ZBED3: variants seen among roughly 807,000 people sequenced by gnomAD.
ZBED3 encodes the protein zinc finger BED-type containing 3.
For synonymous variants in ZBED3, 175 were observed against 180.0 expected (o/e 0.97, Z 0.22); for missense variants, 388 against 362.9 (o/e 1.07, Z -0.56).
intron 2 of ZBED3, among the ~76,000 whole-genome samples, 160 bp from the exon 3 acceptor site, chr5:77,078,055 A>G (rs1403687546): frequency 1.3e-5 from 2 of 152,218 alleles, no homozygotes; most frequent in African/African-American, 2.4e-5. Flanking sequence ...AATCTTCAGT[A>G]TTAAGTGTTG....
At chr5:77,083,536 GC>G (rs1743174096) in intron 1 of ZBED3, among the ~76,000 whole-genome samples, 1 of 152,180 alleles carries the variant, frequency 6.6e-6, no homozygotes, top group African/African-American at 2.4e-5. Flanking sequence ...TAAACAGGTG[GC>G]TGAGATCATA....
chr5:77,077,797 C>G lies in ZBED3; in HGVS notation c.82G>C (p.Gly28Arg), dbSNP rs987741438. Residue 28 changes from glycine to arginine, a missense_variant, in exon 3 of 3, where the codon GGA becomes CGA. Coordinates refer to ENST00000255198, the MANE Select transcript of ZBED3 (RefSeq NM_032367.4). ...DAAARGGQCP[G>R]LGPAPTPTPP... is the part of the protein sequence containing the mutation. The stretch of plus-strand genomic sequence containing the variant: ...GTCGGCGTCGGCGCCGGCCCCAGTC[C>G]CGGACACTGACCGCCCCGCGCCGCC... 2.2e-5 allele frequency: 29 copies of G among 1,309,586 alleles called. No homozygotes were observed. The highest frequency in any genetic ancestry group is 4.0e-5 in the Admixed American group (1 of 24,812). The allele number at this position is 1,309,586 out of a possible 1,614,324, so 81.1% of individuals were successfully genotyped here. A position where few individuals can be genotyped will look rare whatever the true frequency, so the allele number is the denominator to read the frequency against.
chr5:77,076,013 GTA>G lies in ZBED3; in HGVS notation c.*1159_*1160del, dbSNP rs1269574664. On this transcript the variant is annotated 3_prime_UTR_variant, in exon 3 of 3. Coordinates refer to ENST00000255198, the MANE Select transcript of ZBED3 (RefSeq NM_032367.4). Reference sequence around the variant, plus strand: ...TATATGTATATATGTATATATATATGTATATATGTATATATATATGTATATAT... The same window carrying G: ...TATATGTATATATGTATATATATATGTATATGTATATATATATGTATATAT... 2 of 51,408 alleles carry G rather than the reference GTA, an allele frequency of 3.9e-5. No individual in the cohort carries two copies. The highest frequency in any genetic ancestry group is 7.7e-5 in the African/African-American group (1 of 13,032). 3.2% of individuals were successfully genotyped at this position (51,408 alleles called of 1,614,324 possible).
rs929902155 is a variant in ZBED3, at chr5:77,078,027, C to CT, written c.-17-133dup. On this transcript the variant is annotated intron_variant, in intron 2 of 2. Coordinates refer to ENST00000255198, the MANE Select transcript of ZBED3 (RefSeq NM_032367.4). ...AAAGCCTATAGTGTGTGTAGATAGTCTAAGTTTCTTTCTAATTAATCTTCA... is the reference window on the plus strand; with the variant it reads ...AAAGCCTATAGTGTGTGTAGATAGTCTTAAGTTTCTTTCTAATTAATCTTCA... The CT allele has an allele frequency of 1.6e-5, 10 of 616,520 alleles. No homozygotes were observed. In the South Asian group the frequency reaches 3.5e-4, roughly 22 times the overall value. The allele number at this position is 616,520 out of a possible 1,614,324, so 38.2% of individuals were successfully genotyped here. A position where few individuals can be genotyped will look rare whatever the true frequency, so the allele number is the denominator to read the frequency against.
In ZBED3 at chr5:77,077,521, C is replaced by T. The variant is rs977050633; in HGVS notation, c.358G>A (p.Gly120Ser). ...PPAAPCPPPP[G>S]PAAAPEGDWA... ...TCGCCCTCGGGGGCCGCAGCGGGGCCGGGCGGCGGCGGGCAGGGCGCGGCA... is the reference window on the plus strand; with the variant it reads ...TCGCCCTCGGGGGCCGCAGCGGGGCTGGGCGGCGGCGGGCAGGGCGCGGCA... Residue 120 changes from glycine (G) to serine (S), a missense_variant, in exon 3 of 3, where the codon GGC becomes AGC. Transcript: ENST00000255198. 4 of 1,202,922 alleles carry T rather than the reference C, an allele frequency of 3.3e-6. No individual in the cohort carries two copies. The African/African-American group carries it at 4.8e-5, about 14-fold the overall frequency. The allele number at this position is 1,202,922 out of a possible 1,614,324, so 74.5% of individuals were successfully genotyped here. A position where few individuals can be genotyped will look rare whatever the true frequency, so the allele number is the denominator to read the frequency against.
At position 77,072,850 on chromosome 5, in the gene ZBED3, A is replaced by G. The variant is rs1420109981; in HGVS notation, c.*4324T>C. ...AGCCCTTAAGGCCAAAGAGACTGAA[A>G]TGCATTAAGTAGGCTGGAGTCAGAT... On this transcript the variant is annotated 3_prime_UTR_variant, in exon 3 of 3. Coordinates refer to ENST00000255198, the MANE Select transcript of ZBED3 (RefSeq NM_032367.4). 2.0e-5 allele frequency: 3 copies of G among 152,172 alleles called. No homozygotes were observed. Among genetic ancestry groups the G allele is most frequent in the Non-Finnish European group, 4.4e-5 (3 of 68,034 alleles). The allele number at this position is 152,172 out of a possible 1,614,324, so 9.4% of individuals were successfully genotyped here.
chr5:77,077,363 C>G lies in ZBED3; in HGVS notation c.516G>C (p.Gln172His). ...RALERRRRAL[Q>H]EEERAAAQAR... ...CCTGGGCCGCGGCGCGCTCTTCCTC[C>G]TGCAGCGCCCTCCGCCTCCGCTCCA... is the stretch of plus-strand genomic sequence containing the variant. The change falls in exon 3 of 3, where the codon CAG (glutamine) becomes CAC (histidine). Residue 172 changes from glutamine to histidine, a missense_variant. Coordinates refer to ENST00000255198, the MANE Select transcript of ZBED3 (RefSeq NM_032367.4). 1 of 1,256,082 alleles carries G rather than the reference C, an allele frequency of 8.0e-7. No individual in the cohort carries two copies. Among genetic ancestry groups the G allele is most frequent in the African/African-American group, 1.6e-5 (1 of 63,892 alleles). 77.8% of individuals were successfully genotyped at this position (1,256,082 alleles called of 1,614,324 possible). A position where few individuals can be genotyped will look rare whatever the true frequency, so the allele number is the denominator to read the frequency against.
Position 77,077,337 on chromosome 5 carries a change from G to C in ZBED3, c.542C>G (p.Ala181Gly). 1.6e-6 allele frequency: 2 copies of C among 1,260,766 alleles called. No homozygotes were observed. Among genetic ancestry groups the C allele is most frequent in the Non-Finnish European group, 2.0e-6 (2 of 1,009,016 alleles). 78.1% of individuals were successfully genotyped at this position (1,260,766 alleles called of 1,614,324 possible). The part of the protein sequence containing the change: ...LQEEERAAAQ[A>G]RRELQAEREA... Reference sequence around the variant, plus strand: ...CCGCTCGGCCTGCAGTTCCCGGCGCGCCTGGGCCGCGGCGCGCTCTTCCTC... The same window carrying C: ...CCGCTCGGCCTGCAGTTCCCGGCGCCCCTGGGCCGCGGCGCGCTCTTCCTC... Residue 181 changes from alanine (A) to glycine (G), a missense_variant, in exon 3 of 3, where the codon GCG (alanine) becomes GGG (glycine). Ala to Gly is a moderately conservative substitution (Grantham distance 60). Coordinates refer to ENST00000255198, the MANE Select transcript of ZBED3 (RefSeq NM_032367.4).
chr5:77,077,688 C>T lies in ZBED3; in HGVS notation c.191G>A (p.Gly64Asp). The change falls in exon 3 of 3, where the codon GGC becomes GAC. Residue 64 changes from glycine to aspartate, a missense_variant. By Grantham distance (94) the Gly-to-Asp change is moderately conservative. Transcript: ENST00000255198. Reference sequence around the variant, plus strand: ...GCACAGACGGCAGGTGGCCCAGTGGCCCGACGGATGCCCGGGGCGCCCCGG... The same window carrying T: ...GCACAGACGGCAGGTGGCCCAGTGGTCCGACGGATGCCCGGGGCGCCCCGG... ...LAPGRPGHPS[G>D]HWATCRLCGE... 7.4e-7 allele frequency: 1 copy of T among 1,356,674 alleles called. No individual in the cohort carries two copies. Among genetic ancestry groups the T allele is most frequent in the South Asian group, 1.7e-5 (1 of 57,456 alleles). 84.0% of individuals were successfully genotyped at this position (1,356,674 alleles called of 1,614,324 possible). A position where few individuals can be genotyped will look rare whatever the true frequency, so the allele number is the denominator to read the frequency against.
At chr5:77,085,257 T>A (rs547163087) in intron 1 of ZBED3, among the ~76,000 whole-genome samples, 1 of 152,358 alleles carries the variant, frequency 6.6e-6, no homozygotes, top group African/African-American at 2.4e-5. Context: ...AAAACCTGGA[T>A]GAATAATCTG....
At position 77,075,025 on chromosome 5, in the gene ZBED3, T is replaced by C. The variant is rs1304783614; in HGVS notation, c.*2149A>G. 3 of 152,142 alleles carry C rather than the reference T, an allele frequency of 2.0e-5. No individual in the cohort carries two copies. The highest frequency in any genetic ancestry group is 4.4e-5 in the Non-Finnish European group (3 of 68,046). The allele number at this position is 152,142 out of a possible 1,614,324, so 9.4% of individuals were successfully genotyped here. On this transcript the variant is annotated 3_prime_UTR_variant, in exon 3 of 3. Coordinates refer to ENST00000255198, the MANE Select transcript of ZBED3 (RefSeq NM_032367.4). ...TGTGGGGTTGAGTAGATTTGCCTCG[T>C]CCACTCATAGAGGCAGGATGTGCAA...
chr5:77,080,633 G>A, intron 1 of ZBED3: 1 of 516,212 alleles, frequency 1.9e-6, no homozygotes, highest in Non-Finnish European at 3.9e-6. Context: ...TGAGTGACCA[G>A]CAGTCTATGG....
chr5:77,077,810 GC>G lies in ZBED3; in HGVS notation c.68del (p.Gly23AlafsTer71). The G allele has an allele frequency of 7.7e-7, 1 of 1,297,464 alleles. No homozygotes were observed. The highest frequency in any genetic ancestry group is 9.7e-7 in the Non-Finnish European group (1 of 1,028,502). The allele number at this position is 1,297,464 out of a possible 1,614,324, so 80.4% of individuals were successfully genotyped here. A position where few individuals can be genotyped will look rare whatever the true frequency, so the allele number is the denominator to read the frequency against. On this transcript the variant is annotated frameshift_variant, in exon 3 of 3. Coordinates refer to ENST00000255198, the MANE Select transcript of ZBED3 (RefSeq NM_032367.4). LOFTEE classifies it low-confidence loss of function (END_TRUNC). ...CCGGCCCCAGTCCCGGACACTGACC[GC>G]CCCGCGCCGCCGCGTCGTCCAGCCC... ...ARGLDDAAARGGQCPGLGPAP... is the reference protein window; with the variant it reads ...ARGLDDAAARXGQCPGLGPAP...
intron 1 of ZBED3, chr5:77,079,410 A>G (rs1743085875): frequency 6.6e-6 from 1 of 152,254 alleles, no homozygotes; most frequent in Non-Finnish European, 1.5e-5. Context: ...AATAGGAAAA[A>G]TAAGCTGCTA....
chr5:77,081,224 A>G (rs1274063085), intron 1 of ZBED3, among the ~76,000 whole-genome samples: 2 of 152,208 alleles, frequency 1.3e-5, no homozygotes, highest in East Asian at 3.9e-4. Flanking sequence ...AGAAACATTA[A>G]GAGGTCTAAC....
rs1561296449 is a variant in ZBED3 at position 77,075,981 on chromosome 5, GTATATATATATGTATATATGTATA to G, written c.*1169_*1192del. ...TATATATATATGTATATGTATATATGTATATATATATGTATATATGTATATATATATGTATATATGTATATATAT... is the reference window on the plus strand; with the variant it reads ...TATATATATATGTATATGTATATATGTATATATGTATATATGTATATATAT... On this transcript the variant is annotated 3_prime_UTR_variant, in exon 3 of 3. Coordinates refer to ENST00000255198, the MANE Select transcript of ZBED3 (RefSeq NM_032367.4). 5 of 24,868 alleles carry G rather than the reference GTATATATATATGTATATATGTATA, an allele frequency of 2.0e-4. 1 individual carries two copies. The highest frequency in any genetic ancestry group is 1.5e-3 in the Admixed American group (3 of 1,944). 1.5% of individuals were successfully genotyped at this position (24,868 alleles called of 1,614,324 possible).
intron 1 of ZBED3, chr5:77,080,447 G>T: frequency 2.0e-6 from 1 of 497,368 alleles, no homozygotes. Flanking sequence ...ATGTCGGCCA[G>T]CACAGCGCTG....
chr5:77,078,525 A>G (rs758698643), intron 2 of ZBED3, 69 bp downstream of exon 2: 2 of 152,262 alleles, frequency 1.3e-5, no homozygotes, highest in Non-Finnish European at 2.9e-5. Flanking sequence ...GGCAGTACTG[A>G]AAGCAATGCT....
rs1742981064 is a variant in ZBED3 at position 77,075,986 on chromosome 5, T to TGC, written c.*1187_*1188insGC. ...ATATATGTATATGTATATATGTATA[T>TGC]ATATATGTATATATGTATATATATA... On this transcript the variant is annotated 3_prime_UTR_variant, in exon 3 of 3. Coordinates refer to ENST00000255198, the MANE Select transcript of ZBED3 (RefSeq NM_032367.4). 1 of 27,476 alleles carries TGC rather than the reference T, an allele frequency of 3.6e-5. No homozygotes were observed. The highest frequency in any genetic ancestry group is 1.5e-4 in the African/African-American group (1 of 6,644). 1.7% of individuals were successfully genotyped at this position (27,476 alleles called of 1,614,324 possible). A position where few individuals can be genotyped will look rare whatever the true frequency, so the allele number is the denominator to read the frequency against.
Sources: allele counts gnomAD v4.1 joint callset (sites outside exome capture counted in the v4.1 genomes callset), GRCh38; gene constraint gnomAD v4.1.1; transcripts MANE v1.5; gene names NCBI Gene and HGNC (gene_info 2026-07-23, HGNC 2026-07-21).